CNIH3: variants seen among roughly 807,000 people sequenced by gnomAD.
CNIH3 encodes protein cornichon homolog 3.
Under a neutral mutation model 24.1 loss-of-function variants are expected in CNIH3, and 14 were observed. The ratio of observed to expected loss-of-function variants is 0.58; its 90% confidence interval spans 0.38 to 0.91. The LOEUF is 0.91. Among genes scored for constraint, CNIH3 ranks in the 40% least tolerant of loss-of-function variants. The pLI, the probability that CNIH3 is intolerant of heterozygous loss-of-function variation, is 0.00. For synonymous variants in CNIH3, 68 were observed against 73.8 expected (o/e 0.92, Z 0.40); for missense variants, 178 against 196.8 (o/e 0.90, Z 0.57).
At chr1:224,480,382 C>T (rs1350742691) in intron 1 of CNIH3, among the ~76,000 whole-genome samples, 1 of 152,174 alleles carries the variant, frequency 6.6e-6, no homozygotes, top group African/African-American at 2.4e-5. Flanking sequence ...AGGCATTTTC[C>T]CCATTGTCTT....
chr1:224,713,966 C>T, intron 3 of CNIH3, among the ~76,000 whole-genome samples: 1 of 152,208 alleles, frequency 6.6e-6, no homozygotes, highest in Admixed American at 6.5e-5. Context: ...AGGCATGCAC[C>T]ACCACACCCG....
At chr1:224,734,964 C>T (rs1689520822) in intron 5 of CNIH3, among the ~76,000 whole-genome samples, 1 of 152,186 alleles carries the variant, frequency 6.6e-6, no homozygotes, top group African/African-American at 2.4e-5. Flanking sequence ...AACACCCTCT[C>T]AACATCCCTT....
chr1:224,687,539 G>T (rs896989774), intron 3 of CNIH3, among the ~76,000 whole-genome samples: 3 of 152,234 alleles, frequency 2.0e-5, no homozygotes, highest in Admixed American at 6.5e-5. Flanking sequence ...AGCCCAGCTT[G>T]CTTTCTTTCT....
chr1:224,739,120 C>T lies in CNIH3; in HGVS notation c.456-209C>T, dbSNP rs976353630. 4.6e-5 allele frequency among the ~76,000 whole-genome samples: 7 copies of T among 152,142 alleles called. No individual in the cohort carries two copies. In the East Asian group the frequency reaches 9.7e-4, roughly 21 times the overall value. On this transcript the variant is annotated intron_variant, in intron 5 of 5. Transcript: ENST00000272133. ...TTTTATCCAAGGGATACAATATGCT[C>T]TCCCAAAAAATTTTTATTCCAGTGT...
At chr1:224,698,011 T>C (rs901249358) in intron 3 of CNIH3, among the ~76,000 whole-genome samples, 6 of 152,180 alleles carry the variant, frequency 3.9e-5, no homozygotes, top group Admixed American at 2.6e-4. Context: ...CATTGCCGAG[T>C]TATCATGCTG....
rs1689811526 is a variant in CNIH3, at chr1:224,740,466, C to T, written c.*1110C>T. 6.6e-6 allele frequency: 1 copy of T among 152,178 alleles called. No individual in the cohort carries two copies. Among genetic ancestry groups the T allele is most frequent in the Admixed American group, 6.5e-5 (1 of 15,282 alleles). The allele number at this position is 152,178 out of a possible 1,614,324, so 9.4% of individuals were successfully genotyped here. A position where few individuals can be genotyped will look rare whatever the true frequency, so the allele number is the denominator to read the frequency against. On this transcript the variant is annotated 3_prime_UTR_variant, in exon 6 of 6. Transcript: ENST00000272133. ...GCTATTTATACACGTCCCCAGCTCC[C>T]ATCTGAAACCTGTGACTCAGGTTTA...
intron 1 of CNIH3, among the ~76,000 whole-genome samples, chr1:224,668,943 C>A (rs1685734001): frequency 6.6e-6 from 1 of 152,148 alleles, no homozygotes; most frequent in Non-Finnish European, 1.5e-5. Flanking sequence ...GCCTAACTGC[C>A]CCAGGGAAGA....
intron 1 of CNIH3, among the ~76,000 whole-genome samples, chr1:224,518,160 C>T (rs754434963): frequency 1.3e-5 from 2 of 152,106 alleles, no homozygotes; most frequent in Non-Finnish European, 1.5e-5. Context: ...GGCCCTCACC[C>T]GAGGTGGCCA....
rs185849679 is a variant in CNIH3 at position 224,643,255 on chromosome 1, C to T, written c.81+26000C>T. On this transcript the variant is annotated intron_variant, in intron 1 of 5. Transcript: ENST00000272133. ...GGCCTGCTCTGAAGGAGGTGGTAGT[C>T]GACTAGAGAAAACAAATGTAGAATG... Among the ~76,000 whole-genome samples, 468 of 152,258 alleles carry T rather than the reference C, an allele frequency of 3.1e-3. 1 individual carries two copies. The highest frequency in any genetic ancestry group is 0.027 in the Middle Eastern group (8 of 294).
downstream of CNIH3, among the ~76,000 whole-genome samples, chr1:224,541,741 G>A (rs1240218332): frequency 6.6e-6 from 1 of 150,690 alleles, no homozygotes; most frequent in Non-Finnish European, 1.5e-5. Flanking sequence ...CAAATTGGGT[G>A]TTTATAGCTT....
At position 224,730,536 on chromosome 1, in the gene CNIH3, G is replaced by C. The variant is rs16853256; in HGVS notation, c.273G>C (p.Leu91=). The C allele has an allele frequency of 5.2e-3, 8,056 of 1,559,304 alleles. 271 individuals carry two copies. In the African/African-American group the frequency reaches 0.081, roughly 16 times the overall value. ...TGTGTGCGCAAGAGTGGCTCACGCT[G>C]GGGCTGAATGTCCCTCTACTTTTCT... ...MFLCAQEWLT[L]GLNVPLLFYH... The change falls in exon 4 of 6, where the codon CTG becomes CTC. Residue 91 remains leucine, a synonymous_variant. Coordinates refer to ENST00000272133, the MANE Select transcript of CNIH3 (RefSeq NM_152495.2).
intron 1 of CNIH3, among the ~76,000 whole-genome samples, chr1:224,673,190 C>T (rs1196718801): frequency 6.6e-6 from 1 of 152,206 alleles, no homozygotes; most frequent in Non-Finnish European, 1.5e-5. Flanking sequence ...TCGGTCATGT[C>T]CATGCAACTC....
At chr1:224,463,269 G>A (rs1676003382) in intron 1 of CNIH3, among the ~76,000 whole-genome samples, 1 of 152,158 alleles carries the variant, frequency 6.6e-6, no homozygotes, top group African/African-American at 2.4e-5. Context: ...AATGATGTGT[G>A]AGAGTCCGGT....
At chr1:224,438,673 G>A (rs1674769480) in intron 1 of CNIH3, among the ~76,000 whole-genome samples, 1 of 152,142 alleles carries the variant, frequency 6.6e-6, no homozygotes, top group Non-Finnish European at 1.5e-5. Context: ...TTGTCCAGCT[G>A]GACTTGTTGG....
rs1282312701 is a variant in CNIH3 at position 224,604,500 on chromosome 1, G to A, written n.402+38236G>A. 6.6e-6 allele frequency among the ~76,000 whole-genome samples: 1 copy of A among 152,194 alleles called. No homozygotes were observed. The highest frequency in any genetic ancestry group is 1.5e-5 in the Non-Finnish European group (1 of 68,040). On this transcript the variant is annotated intron_variant and non_coding_transcript_variant, in intron 3 of 7. Transcript: ENST00000478120. The surrounding 1 kb of genome is among the most constrained non-coding windows in gnomAD (Gnocchi z 4.4). ...GGACAGAGGCTGAGATGGAGCCTCTGAAGAAGGGACCCCTACGCCGCTTTG... is the reference window on the plus strand; with the variant it reads ...GGACAGAGGCTGAGATGGAGCCTCTAAAGAAGGGACCCCTACGCCGCTTTG...
intron 1 of CNIH3, among the ~76,000 whole-genome samples, chr1:224,507,861 TA>T (rs1322430926): frequency 6.6e-6 from 1 of 152,242 alleles, no homozygotes; most frequent in Non-Finnish European, 1.5e-5. Context: ...TGAAGATGAA[TA>T]AGACTTAGTC....
chr1:224,676,388 G>T (rs76007377), intron 1 of CNIH3, among the ~76,000 whole-genome samples: 1 of 152,096 alleles, frequency 6.6e-6, no homozygotes, highest in Non-Finnish European at 1.5e-5. Flanking sequence ...GGGAATTTTG[G>T]GGTGATAGAA....
At chr1:224,593,461 C>T (rs1054225152), downstream of CNIH3, among the ~76,000 whole-genome samples, 6 of 152,182 alleles carry the variant, frequency 3.9e-5, no homozygotes, top group African/African-American at 1.4e-4. Flanking sequence ...AGTGGCTTGC[C>T]TAAAGTCACA....
At chr1:224,439,433 T>C (rs1674799136) in intron 1 of CNIH3, among the ~76,000 whole-genome samples, 2 of 152,018 alleles carry the variant, frequency 1.3e-5, no homozygotes, top group African/African-American at 2.4e-5. Context: ...GGAAATTTCC[T>C]GAAGGAACTG....
Sources: gnomAD v4.1 joint callset for allele counts (sites outside exome capture counted in the v4.1 genomes callset) on GRCh38, gnomAD v4.1.1 for gene constraint, Gnocchi (gnomAD v3.1) non-coding constraint, MANE v1.5 for transcripts, NCBI Gene and HGNC (gene_info 2026-07-23, HGNC 2026-07-21) for gene names.